The following CCDC198 variants were observed in gnomAD, a reference collection of about 807,000 sequenced individuals.
The protein encoded by CCDC198 is coiled-coil domain containing 198.
Under a neutral mutation model 35.6 loss-of-function variants are expected in CCDC198, and 18 were observed. That is an observed-to-expected ratio of 0.51 (90% CI 0.35 to 0.75). CCDC198 has a LOEUF of 0.75. Among genes scored for constraint, CCDC198 ranks in the 30% least tolerant of loss-of-function variants. CCDC198 has a pLI of 0.01. For missense variants in CCDC198, 365 were observed against 343.7 expected, an observed-to-expected ratio of 1.06 and a Z score of -0.49; for synonymous variants, 119 against 113.4, an observed-to-expected ratio of 1.05 and a Z score of -0.31.
chr14:57,485,498 G>A (rs148497575), intron 2 of CCDC198, among the ~76,000 whole-genome samples: 184 of 152,316 alleles, frequency 1.2e-3, no homozygotes, highest in Non-Finnish European at 2.3e-3. Flanking sequence ...GTGATTTGTT[G>A]CATTATTAAG....
At position 57,485,323 on chromosome 14, in the gene CCDC198, G is replaced by C. The variant is rs973646675; in HGVS notation, c.307-2172C>G. Among the ~76,000 whole-genome samples the C allele has an allele frequency of 5.3e-5, 8 of 152,242 alleles. No homozygotes were observed. In the East Asian group the frequency reaches 7.7e-4, roughly 15 times the overall value. On this transcript the variant is annotated intron_variant, in intron 2 of 5. Transcript: ENST00000216445. ...TCCAGGAGTTCCAGTGGTGAGGCTGGTGCCCAGGAATAAGCTGGCCAAGGA... is the reference window on the plus strand; with the variant it reads ...TCCAGGAGTTCCAGTGGTGAGGCTGCTGCCCAGGAATAAGCTGGCCAAGGA...
At chr14:57,487,358 G>T (rs2067400712) in intron 2 of CCDC198, among the ~76,000 whole-genome samples, 1 of 152,134 alleles carries the variant, frequency 6.6e-6, no homozygotes, top group Non-Finnish European at 1.5e-5. Context: ...TGCTGATATG[G>T]GGGTTGCAAT....
At chr14:57,490,856 C>A in intron 2 of CCDC198, 133 bp downstream of exon 2, 1 of 878,870 alleles carries the variant, frequency 1.1e-6, no homozygotes, top group Non-Finnish European at 1.7e-6. Context: ...CGATTGATGA[C>A]ATTTTTCTTT....
chr14:57,480,787 C>A, intron 4 of CCDC198, 33 bp from the exon 5 acceptor site: 1 of 1,609,994 alleles, frequency 6.2e-7, no homozygotes, highest in Non-Finnish European at 8.5e-7. Flanking sequence ...GATCAATGTT[C>A]TTCCCAAGCT....
At chr14:57,491,620 T>A in intron 1 of CCDC198, among the ~76,000 whole-genome samples, 1 of 152,004 alleles carries the variant, frequency 6.6e-6, no homozygotes. Context: ...ATACAGCATA[T>A]CAATATTCTT....
chr14:57,493,778 C>T lies in CCDC198; in HGVS notation c.-63G>A. 8.0e-7 allele frequency: 1 copy of T among 1,247,280 alleles called. No individual in the cohort carries two copies. Among genetic ancestry groups the T allele is most frequent in the African/African-American group, 1.5e-5 (1 of 66,668 alleles). 77.3% of individuals were successfully genotyped at this position (1,247,280 alleles called of 1,614,324 possible). On this transcript the variant is annotated 5_prime_UTR_variant, in exon 1 of 6. Transcript: ENST00000216445. ...AGTGGTTTTGGGGTCTTTAATATAG[C>T]TTATTTTAATCAAAGCATTTCAGAA...
rs2066781015 is a variant in CCDC198 at position 57,469,588 on chromosome 14, T to G, written c.*1767A>C. 6.6e-6 allele frequency: 1 copy of G among 152,242 alleles called. No homozygotes were observed. The highest frequency in any genetic ancestry group is 2.4e-5 in the African/African-American group (1 of 41,460). 9.4% of individuals were successfully genotyped at this position (152,242 alleles called of 1,614,324 possible). ...GAGGACACCATGAATAGGTTGGATT[T>G]GTTTATCCTCTCAAGGATCTCATTT... On this transcript the variant is annotated 3_prime_UTR_variant, in exon 6 of 6. Coordinates refer to ENST00000216445, the MANE Select transcript of CCDC198 (RefSeq NM_018168.4).
intron 2 of CCDC198, 69 bp downstream of exon 2, chr14:57,490,920 A>G (rs1412218731): frequency 1.5e-6 from 2 of 1,326,772 alleles, no homozygotes; most frequent in Admixed American, 3.8e-5. Context: ...TTTGATGATT[A>G]TAGTTTAAAA....
At position 57,480,761 on chromosome 14, in the gene CCDC198, A is replaced by G. The variant is rs1408880176; in HGVS notation, c.496-7T>C. On this transcript the variant is annotated splice_polypyrimidine_tract_variant and splice_region_variant and intron_variant, in intron 4 of 5. Coordinates refer to ENST00000216445, the MANE Select transcript of CCDC198 (RefSeq NM_018168.4). ...TCTTTAACTCCATTTGGGCCTGAAA[A>G]TCATCAACTATAAATGATCAATGTT... 1.2e-6 allele frequency: 2 copies of G among 1,613,450 alleles called. No homozygotes were observed. The highest frequency in any genetic ancestry group is 2.7e-5 in the African/African-American group (2 of 74,822).
intron 2 of CCDC198, 136 bp downstream of exon 2, chr14:57,490,853 T>A (rs1055662063): frequency 2.3e-6 from 2 of 857,906 alleles, no homozygotes; most frequent in African/African-American, 3.3e-5. Context: ...TTGCGATTGA[T>A]GACATTTTTC....
At chr14:57,475,396 A>G in intron 5 of CCDC198, 2 of 1,046,740 alleles carry the variant, frequency 1.9e-6, no homozygotes, top group Non-Finnish European at 2.3e-6. Flanking sequence ...AAAATAATGG[A>G]TTCAAAGTGA....
chr14:57,472,447 A>G (rs1266495683), intron 5 of CCDC198, among the ~76,000 whole-genome samples: 1 of 152,166 alleles, frequency 6.6e-6, no homozygotes, highest in Non-Finnish European at 1.5e-5. Context: ...TATTAAATTG[A>G]GGTTAAACAT....
chr14:57,492,846 A>G (rs2067622245), intron 1 of CCDC198, among the ~76,000 whole-genome samples: 1 of 152,156 alleles, frequency 6.6e-6, no homozygotes, highest in African/African-American at 2.4e-5. Context: ...TGGTCATCAT[A>G]AAACATTTTA....
Position 57,469,990 on chromosome 14 carries a change from AC to A in CCDC198, c.*1364del, listed in dbSNP as rs1295169402. 8 of 152,218 alleles carry A rather than the reference AC, an allele frequency of 5.3e-5. No individual in the cohort carries two copies. The highest frequency in any genetic ancestry group is 1.9e-4 in the African/African-American group (8 of 41,454). 9.4% of individuals were successfully genotyped at this position (152,218 alleles called of 1,614,324 possible). ...TGAAATTATTTTTAGATTATGCTAAACATGGAGCTGCATTTTACACAAAAGT... is the reference window on the plus strand; with the variant it reads ...TGAAATTATTTTTAGATTATGCTAAAATGGAGCTGCATTTTACACAAAAGT... On this transcript the variant is annotated 3_prime_UTR_variant, in exon 6 of 6. Transcript: ENST00000216445.
At chr14:57,492,405 C>A (rs1350218296) in intron 1 of CCDC198, among the ~76,000 whole-genome samples, 2 of 151,982 alleles carry the variant, frequency 1.3e-5, no homozygotes, top group African/African-American at 4.8e-5. Flanking sequence ...TCTTAAAACT[C>A]TCAATGGGGG....
chr14:57,488,420 G>T (rs1177507104), intron 2 of CCDC198, among the ~76,000 whole-genome samples: 1 of 152,162 alleles, frequency 6.6e-6, no homozygotes, highest in African/African-American at 2.4e-5. Context: ...AGTGATTACA[G>T]GTCTGCAGTA....
intron 2 of CCDC198, 25 bp downstream of exon 2, chr14:57,490,964 A>G (rs778818008): frequency 4.6e-6 from 7 of 1,517,744 alleles, no homozygotes; most frequent in African/African-American, 4.1e-5. Flanking sequence ...GAAATTCCTT[A>G]TGAAGCCTTT....
chr14:57,486,618 T>C (rs1490792868), intron 2 of CCDC198, among the ~76,000 whole-genome samples: 2 of 152,174 alleles, frequency 1.3e-5, no homozygotes, highest in African/African-American at 4.8e-5. Context: ...GACTTCCACA[T>C]TGCCTTAAGT....
chr14:57,479,144 A>T, intron 5 of CCDC198: 1 of 763,436 alleles, frequency 1.3e-6, no homozygotes, highest in Non-Finnish European at 1.9e-6. Context: ...AGCATAAACA[A>T]TTTGGCCTGG....
Sources: allele counts gnomAD v4.1 joint callset (sites outside exome capture counted in the v4.1 genomes callset), GRCh38; gene constraint gnomAD v4.1.1; transcripts MANE v1.5; gene names NCBI Gene and HGNC (gene_info 2026-07-23, HGNC 2026-07-21).